KCNH7: variants seen among roughly 807,000 people sequenced by gnomAD.
The protein encoded by KCNH7 is potassium voltage-gated channel subfamily H member 7.
In KCNH7, 49 loss-of-function variants were observed where a neutral mutation model predicts 120.8. The ratio of observed to expected loss-of-function variants is 0.41; its 90% CI spans 0.32 to 0.51. KCNH7 has a LOEUF of 0.51. Among genes scored for constraint, KCNH7 ranks in the 20% least tolerant of loss-of-function variants. The pLI, the probability that KCNH7 is intolerant of heterozygous loss-of-function variation, is 0.38. For missense variants in KCNH7, 1,097 were observed against 1,446.6 expected, an observed-to-expected ratio of 0.76 and a Z score of 3.92; for synonymous variants, 547 against 516.1, an observed-to-expected ratio of 1.06 and a Z score of -0.81.
rs1469071297 is a variant in KCNH7, at chr2:162,498,133, C to T, written c.1128+6310G>A. Among the ~76,000 whole-genome samples the T allele has an allele frequency of 6.6e-5, 10 of 152,132 alleles. No homozygotes were observed. The East Asian group carries it at 1.9e-3, about 30-fold the overall frequency. On this transcript the variant is annotated intron_variant, in intron 6 of 15. Transcript: ENST00000332142. ...TGTTCCACAGATTAATACCTTCTGGCTCATTAAGGTCCCTTCACACATCTT... is the reference window on the plus strand; with the variant it reads ...TGTTCCACAGATTAATACCTTCTGGTTCATTAAGGTCCCTTCACACATCTT...
At position 162,733,796 on chromosome 2, in the gene KCNH7, G is replaced by C. The variant is rs147558147; in HGVS notation, c.307+102741C>G. ...TGAACCTGATTTTTTTTTAAGAAAG[G>C]GAAGTGAATAGAACAAGATAGAAAT... On this transcript the variant is annotated intron_variant, in intron 2 of 15. Transcript: ENST00000332142. Among the ~76,000 whole-genome samples, 680 of 152,184 alleles carry C rather than the reference G, an allele frequency of 4.5e-3. 6 individuals carry two copies. Among genetic ancestry groups the C allele is most frequent in the Non-Finnish European group, 6.6e-3 (449 of 67,978 alleles).
At chr2:162,413,158 C>T (rs572038554) in intron 9 of KCNH7, among the ~76,000 whole-genome samples, 7 of 151,942 alleles carry the variant, frequency 4.6e-5, no homozygotes, top group Non-Finnish European at 5.9e-5. Flanking sequence ...AGATGGAGTC[C>T]TGCTCTTGTC....
intron 12 of KCNH7, among the ~76,000 whole-genome samples, chr2:162,389,049 A>G (rs1342730816): frequency 3.3e-5 from 5 of 151,950 alleles, no homozygotes; most frequent in South Asian, 2.1e-4. Context: ...TCTGCGTCCA[A>G]TCTTTCACCT....
intron 2 of KCNH7, among the ~76,000 whole-genome samples, chr2:162,721,551 A>G (rs1024608764): frequency 3.3e-5 from 5 of 152,114 alleles, no homozygotes; most frequent in African/African-American, 9.7e-5. Context: ...TCAACGTTCA[A>G]TACGGAAGGT....
At chr2:162,751,896 C>A (rs1037501758) in intron 2 of KCNH7, among the ~76,000 whole-genome samples, 2 of 151,374 alleles carry the variant, frequency 1.3e-5, no homozygotes, top group African/African-American at 4.8e-5. Flanking sequence ...AGAATATACC[C>A]CTATAACTCA....
intron 2 of KCNH7, among the ~76,000 whole-genome samples, chr2:162,630,756 C>G (rs939541992): frequency 1.3e-5 from 2 of 151,960 alleles, no homozygotes; most frequent in Non-Finnish European, 2.9e-5. Flanking sequence ...GTTGGGTCAG[C>G]CAGGGAAAAT....
At chr2:162,767,360 AT>A (rs1682859598) in intron 2 of KCNH7, among the ~76,000 whole-genome samples, 3 of 152,144 alleles carry the variant, frequency 2.0e-5, no homozygotes, top group African/African-American at 7.2e-5. Flanking sequence ...ACCAATTTAC[AT>A]TTCCACAAAC....
chr2:162,648,195 G>GGAA (rs1384129793), intron 2 of KCNH7, among the ~76,000 whole-genome samples: 2 of 152,166 alleles, frequency 1.3e-5, no homozygotes, highest in Non-Finnish European at 2.9e-5. Flanking sequence ...AGGCTATGCA[G>GGAA]GAAGCATGGT....
intron 2 of KCNH7, among the ~76,000 whole-genome samples, chr2:162,738,067 CAA>C (rs58433565): frequency 0.016 from 911 of 56,012 alleles, 7 homozygotes; most frequent in African/African-American, 0.039. Flanking sequence ...GACTTCATAT[CAA>C]AAAAAAAAAA....
intron 6 of KCNH7, among the ~76,000 whole-genome samples, chr2:162,447,707 G>C (rs778653287): frequency 6.6e-6 from 1 of 152,000 alleles, no homozygotes; most frequent in Non-Finnish European, 1.5e-5. Context: ...TATTCATGTT[G>C]TTTTAACTTG....
rs549534487 is a variant in KCNH7, at chr2:162,685,501, C to G, written c.308-148421G>C. On this transcript the variant is annotated intron_variant, in intron 2 of 15. Transcript: ENST00000332142. The stretch of plus-strand genomic sequence containing the variant: ...GATGAATTGTCTAGCAAGAGGATGA[C>G]TTGTTACACATGCTCGGAAGGAAAC... 3.9e-5 allele frequency among the ~76,000 whole-genome samples: 6 copies of G among 152,104 alleles called. No homozygotes were observed. The South Asian group carries it at 1.2e-3, about 32-fold the overall frequency.
chr2:162,611,697 C>A (rs1162712440), intron 2 of KCNH7, among the ~76,000 whole-genome samples: 1 of 152,086 alleles, frequency 6.6e-6, no homozygotes, highest in East Asian at 1.9e-4. Context: ...CATATTTGAG[C>A]ATGTTGTGAG....
intron 2 of KCNH7, among the ~76,000 whole-genome samples, chr2:162,668,833 C>A (rs1685239986): frequency 6.6e-6 from 1 of 152,042 alleles, no homozygotes; most frequent in Admixed American, 6.6e-5. Flanking sequence ...AATGTAAAAA[C>A]CATCGTAAGT....
chr2:162,620,625 A>G (rs922741341), intron 2 of KCNH7, among the ~76,000 whole-genome samples: 56 of 152,072 alleles, frequency 3.7e-4, no homozygotes, highest in African/African-American at 1.2e-3. Flanking sequence ...TTCATCCATC[A>G]TATTTTATTG....
chr2:162,502,848 C>T lies in KCNH7; in HGVS notation c.1128+1595G>A, dbSNP rs79183769. ...AGGGTGGCCTCTGTGGTGGACCAAG[C>T]ACATGAAAGACTTGCTGAGATCCCA... On this transcript the variant is annotated intron_variant, in intron 6 of 15. Transcript: ENST00000332142. 1.9e-3 allele frequency among the ~76,000 whole-genome samples: 291 copies of T among 152,078 alleles called. 2 individuals carry two copies. In the East Asian group the frequency reaches 0.024, roughly 12 times the overall value.
At chr2:162,826,768 T>C (rs187524450) in intron 2 of KCNH7, among the ~76,000 whole-genome samples, 6 of 152,238 alleles carry the variant, frequency 3.9e-5, no homozygotes, top group African/African-American at 1.4e-4. Flanking sequence ...ATAACTGCCT[T>C]AATAAGTCCC....
chr2:162,460,388 A>G (rs143139735), intron 6 of KCNH7, among the ~76,000 whole-genome samples: 12 of 152,246 alleles, frequency 7.9e-5, no homozygotes, highest in African/African-American at 2.9e-4. Context: ...AATATTGAGG[A>G]TGGATGACAC....
chr2:162,440,550 T>C (rs575049767), intron 7 of KCNH7, among the ~76,000 whole-genome samples: 1 of 152,134 alleles, frequency 6.6e-6, no homozygotes, highest in South Asian at 2.1e-4. Flanking sequence ...CTTAACCACA[T>C]CATTGCAATA....
At chr2:162,570,747 A>G (rs540101101) in intron 2 of KCNH7, among the ~76,000 whole-genome samples, 1 of 152,208 alleles carries the variant, frequency 6.6e-6, no homozygotes, top group Non-Finnish European at 1.5e-5. Context: ...CAATATATGC[A>G]AATCAATAAA....
Sources: gnomAD v4.1 joint callset for allele counts (sites outside exome capture counted in the v4.1 genomes callset) on GRCh38, gnomAD v4.1.1 for gene constraint, MANE v1.5 for transcripts, NCBI Gene and HGNC (gene_info 2026-07-23, HGNC 2026-07-21) for gene names.